The following DHX34 variants were observed in gnomAD, a reference collection of about 807,000 sequenced individuals.
DHX34 encodes the protein DExH-box helicase 34.
Under a neutral mutation model 111.1 loss-of-function variants are expected in DHX34, and 96 were observed. That is an observed-to-expected ratio of 0.86 (90% CI 0.73 to 1.02). The LOEUF is 1.02. Ranked by LOEUF, DHX34 falls within the 50% of genes least tolerant of loss-of-function variation. DHX34 has a pLI of 0.00. For missense variants in DHX34, 1,560 were observed against 1,579.9 expected, an observed-to-expected ratio of 0.99 and a Z score of 0.21; for synonymous variants, 688 against 670.4, an observed-to-expected ratio of 1.03 and a Z score of -0.41.
intron 7 of DHX34, among the ~76,000 whole-genome samples, chr19:47,370,851 T>C (rs1969943654): frequency 6.6e-6 from 1 of 152,132 alleles, no homozygotes; most frequent in South Asian, 2.1e-4. Flanking sequence ...TTTTGTATTT[T>C]TTAGTAGAAA....
chr19:47,375,736 GGGTTTACCAAGGT>G (rs1284405802), intron 10 of DHX34, 28 bp downstream of exon 10: 2 of 1,559,212 alleles, frequency 1.3e-6, no homozygotes, highest in Non-Finnish European at 1.7e-6. Context: ...TGGGGTGTGG[GGGTTTACCAAGGT>G]GGGCCTTGGC....
chr19:47,376,936 C>CA, intron 12 of DHX34, 164 bp from the exon 13 acceptor site: 12 of 1,537,976 alleles, frequency 7.8e-6, no homozygotes, highest in Non-Finnish European at 9.6e-6. Flanking sequence ...TGCTGGGAGT[C>CA]ACATTCAGAT....
intron 15 of DHX34, 62 bp from the exon 16 acceptor site, chr19:47,381,124 G>T: frequency 1.2e-6 from 2 of 1,601,110 alleles, no homozygotes; most frequent in Non-Finnish European, 1.7e-6. Context: ...GGTCCCGGGG[G>T]GGCACTTGGG....
chr19:47,353,437 C>A lies in DHX34; in HGVS notation c.407C>A (p.Ala136Asp). 2 of 1,614,192 alleles carry A rather than the reference C, an allele frequency of 1.2e-6. No individual in the cohort carries two copies. Among genetic ancestry groups the A allele is most frequent in the Non-Finnish European group, 1.7e-6 (2 of 1,180,040 alleles). The change falls in exon 2 of 17, where the codon GCC becomes GAC. Residue 136 changes from alanine to aspartate, a missense_variant. By Grantham distance (126) the Ala-to-Asp change is moderately radical. Transcript: ENST00000328771. The surrounding 1 kb of genome is among the most constrained non-coding windows in gnomAD (Gnocchi z 4.6). ...PAERVAEFRR[A>D]LLHYLDFGQK... Reference sequence around the variant, plus strand: ...GAGAGAGTGGCTGAGTTCCGCCGAGCCCTGTTGCACTACCTGGACTTTGGC... The same window carrying A: ...GAGAGAGTGGCTGAGTTCCGCCGAGACCTGTTGCACTACCTGGACTTTGGC...
At position 47,364,363 on chromosome 19, in the gene DHX34, G is replaced by A. The variant is rs147905628; in HGVS notation, c.1593+1670G>A. Among the ~76,000 whole-genome samples, 44 of 152,250 alleles carry A rather than the reference G, an allele frequency of 2.9e-4. 1 individual carries two copies. The East Asian group carries it at 8.3e-3, about 29-fold the overall frequency. On this transcript the variant is annotated intron_variant, in intron 6 of 16. Coordinates refer to ENST00000328771, the MANE Select transcript of DHX34 (RefSeq NM_014681.6). ...TGGTGTCTGCCACAGGCTCACGTGCGGGTGTAGCACAAACCAGTGGCCTTC... is the reference window on the plus strand; with the variant it reads ...TGGTGTCTGCCACAGGCTCACGTGCAGGTGTAGCACAAACCAGTGGCCTTC...
chr19:47,353,094 G>T lies in DHX34; in HGVS notation c.64G>T (p.Glu22Ter). 1 of 1,614,170 alleles carries T rather than the reference G, an allele frequency of 6.2e-7. No homozygotes were observed. Among genetic ancestry groups the T allele is most frequent in the Non-Finnish European group, 8.5e-7 (1 of 1,180,026 alleles). The change falls in exon 2 of 17, where the codon GAA becomes TAA. Residue 22 changes from glutamate (E) to a stop codon, truncating the protein, a stop_gained. Coordinates refer to ENST00000328771, the MANE Select transcript of DHX34 (RefSeq NM_014681.6). LOFTEE classifies it high-confidence loss of function. The surrounding 1 kb of genome is among the most constrained non-coding windows in gnomAD (Gnocchi z 4.6). ...AGACCACCACCGGGCTCCCAGCGAG[G>T]AAGAGGCCTTGGAGAAATGGGACTG... ...RRDHHRAPSE[E>*]EALEKWDWNC...
rs1037517224 is a variant in DHX34 at position 47,380,131 on chromosome 19, A to C, written c.2982+146A>C. The C allele has an allele frequency of 1.5e-5, 20 of 1,362,864 alleles. No individual in the cohort carries two copies. In the African/African-American group the frequency reaches 2.9e-4, roughly 20 times the overall value. The allele number at this position is 1,362,864 out of a possible 1,614,324, so 84.4% of individuals were successfully genotyped here. A position where few individuals can be genotyped will look rare whatever the true frequency, so the allele number is the denominator to read the frequency against. ...AGGCCACAGAGGTTCAGTCACTTACACAAGGTCACTCCACTGGTCTGGGTG... is the reference window on the plus strand; with the variant it reads ...AGGCCACAGAGGTTCAGTCACTTACCCAAGGTCACTCCACTGGTCTGGGTG... On this transcript the variant is annotated intron_variant, in intron 14 of 16. Transcript: ENST00000328771.
chr19:47,364,307 C>CAAAAGG (rs1969725403), intron 6 of DHX34, among the ~76,000 whole-genome samples: 1 of 152,078 alleles, frequency 6.6e-6, no homozygotes, highest in Non-Finnish European at 1.5e-5. Flanking sequence ...TGCTCAGGAA[C>CAAAAGG]AAAAGGAAAA....
chr19:47,376,147 C>A, intron 11 of DHX34, 50 bp downstream of exon 11: 1 of 1,519,518 alleles, frequency 6.6e-7, no homozygotes, highest in Non-Finnish European at 8.8e-7. Flanking sequence ...ACACACGAAC[C>A]CTGAGTGCCT....
intron 3 of DHX34, 76 bp downstream of exon 3, chr19:47,355,426 C>T: frequency 3.2e-6 from 5 of 1,546,618 alleles, no homozygotes; most frequent in Non-Finnish European, 4.4e-6. Flanking sequence ...TGCCTCTTCT[C>T]TCTGCTGCTG....
intron 10 of DHX34, 74 bp downstream of exon 10, chr19:47,375,782 G>A: frequency 6.4e-7 from 1 of 1,561,336 alleles, no homozygotes; most frequent in South Asian, 1.2e-5. Flanking sequence ...GGTCCCAGGG[G>A]ACATGGCCCT....
rs924714438 is a variant in DHX34, at chr19:47,382,200, G to A, written c.*87G>A. On this transcript the variant is annotated 3_prime_UTR_variant, in exon 17 of 17. Coordinates refer to ENST00000328771, the MANE Select transcript of DHX34 (RefSeq NM_014681.6). ...GGCAGGACTCTTGCCTGAACCCCCAGCCTGGGCTTAGCCCTGTGGTCCTGT... is the reference window on the plus strand; with the variant it reads ...GGCAGGACTCTTGCCTGAACCCCCAACCTGGGCTTAGCCCTGTGGTCCTGT... 2.1e-5 allele frequency: 33 copies of A among 1,554,380 alleles called. No homozygotes were observed. The highest frequency in any genetic ancestry group is 2.6e-5 in the Non-Finnish European group (30 of 1,153,034).
At chr19:47,372,351 G>T (rs922236139) in intron 7 of DHX34, among the ~76,000 whole-genome samples, 2 of 152,038 alleles carry the variant, frequency 1.3e-5, no homozygotes, top group African/African-American at 4.8e-5. Context: ...CACCGTGATG[G>T]GTCAAAATGA....
chr19:47,355,768 C>T (rs1298399680), intron 3 of DHX34, among the ~76,000 whole-genome samples: 1 of 151,664 alleles, frequency 6.6e-6, no homozygotes. Flanking sequence ...AGGAGAGTGG[C>T]GTGAACCTGG....
Position 47,377,168 on chromosome 19 carries a change from C to T in DHX34, c.2668C>T (p.Pro890Ser). 1 of 1,613,984 alleles carries T rather than the reference C, an allele frequency of 6.2e-7. No homozygotes were observed. The highest frequency in any genetic ancestry group is 8.5e-7 in the Non-Finnish European group (1 of 1,179,976). ...CGTGTCCCTGCTGGAGACCAACAAGCCGTACCTGGTGAACTGCGTCCGCAT... is the reference window on the plus strand; with the variant it reads ...CGTGTCCCTGCTGGAGACCAACAAGTCGTACCTGGTGAACTGCGTCCGCAT... ...SFVSLLETNK[P>S]YLVNCVRIPA... is the part of the protein sequence containing the mutation. The change falls in exon 13 of 17, where the codon CCG becomes TCG. Residue 890 changes from proline (P) to serine (S), a missense_variant. By Grantham distance (74) the Pro-to-Ser change is moderately conservative. Transcript: ENST00000328771.
intron 8 of DHX34, among the ~76,000 whole-genome samples, chr19:47,373,238 C>T: frequency 6.6e-6 from 1 of 152,090 alleles, no homozygotes; most frequent in South Asian, 2.1e-4. Context: ...TGAGTCCTCA[C>T]CCTAACCCTG....
chr19:47,358,812 C>T (rs1260648556), intron 4 of DHX34, among the ~76,000 whole-genome samples: 2 of 152,076 alleles, frequency 1.3e-5, no homozygotes, highest in African/African-American at 2.4e-5. Flanking sequence ...GACGGGGTTT[C>T]GCCATGTTGG....
At chr19:47,354,800 G>A (rs1415481251) in intron 2 of DHX34, 11 of 275,634 alleles carry the variant, frequency 4.0e-5, no homozygotes, top group Admixed American at 6.5e-5. Flanking sequence ...ACAGGCATGC[G>A]CCACCACGCC....
At chr19:47,374,668 T>A (rs1970077296) in intron 9 of DHX34, among the ~76,000 whole-genome samples, 1 of 151,962 alleles carries the variant, frequency 6.6e-6, no homozygotes, top group South Asian at 2.1e-4. Context: ...AGCCGACACC[T>A]CCGGTACCAT....
Sources: allele counts gnomAD v4.1 joint callset (sites outside exome capture counted in the v4.1 genomes callset), GRCh38; gene constraint gnomAD v4.1.1; non-coding constraint Gnocchi (gnomAD v3.1); transcripts MANE v1.5; gene names NCBI Gene and HGNC (gene_info 2026-07-23, HGNC 2026-07-21).